Variants in ZYG11A observed in about 807,000 individuals in gnomAD.
ZYG11A encodes the protein protein zyg-11 homolog A.
In ZYG11A, 62 loss-of-function variants were observed where a neutral mutation model predicts 77.2. That is an observed-to-expected ratio of 0.80 (90% CI 0.65 to 0.99). The LOEUF is 0.99. Ranked by LOEUF, ZYG11A falls within the 50% of genes least tolerant of loss-of-function variation. The pLI is 0.00. For missense variants in ZYG11A, 828 were observed against 896.8 expected (o/e 0.92, Z 0.98); for synonymous variants, 315 against 324.6 (o/e 0.97, Z 0.32).
chr1:52,853,565 CTG>C (rs768429214), intron 1 of ZYG11A, among the ~76,000 whole-genome samples: 1 of 152,166 alleles, frequency 6.6e-6, no homozygotes, highest in Non-Finnish European at 1.5e-5. Context: ...TTACCCACCT[CTG>C]TATTTTCAGT....
intron 8 of ZYG11A, among the ~76,000 whole-genome samples, chr1:52,871,312 T>C (rs1215079090): frequency 6.6e-6 from 1 of 152,090 alleles, no homozygotes. Context: ...TCCTGTGATT[T>C]CTGTTCTTTT....
intron 8 of ZYG11A, 73 bp downstream of exon 8, chr1:52,867,850 T>C (rs954559089): frequency 1.6e-5 from 20 of 1,269,224 alleles, no homozygotes; most frequent in Non-Finnish European, 2.2e-5. Flanking sequence ...AAAAAAAAAA[T>C]CAAATCATTC....
chr1:52,846,948 C>T (rs1292065984), intron 1 of ZYG11A, among the ~76,000 whole-genome samples: 12 of 150,148 alleles, frequency 8.0e-5, no homozygotes, highest in South Asian at 2.1e-4. Context: ...CCCGGGTTCA[C>T]GCCATTCTCC....
At chr1:52,843,121 G>A in intron 1 of ZYG11A, 148 bp downstream of exon 1, 1 of 624,952 alleles carries the variant, frequency 1.6e-6, no homozygotes, top group Admixed American at 4.4e-5. Flanking sequence ...GCCCCTTCCA[G>A]GCGCAGGCGT....
chr1:52,846,834 C>T (rs895914102), intron 1 of ZYG11A, among the ~76,000 whole-genome samples: 1 of 150,146 alleles, frequency 6.7e-6, no homozygotes, highest in African/African-American at 2.5e-5. Flanking sequence ...CATCTCTAGG[C>T]TTTAAAATTA....
chr1:52,849,434 G>C (rs1354654018), intron 1 of ZYG11A, among the ~76,000 whole-genome samples: 2 of 151,384 alleles, frequency 1.3e-5, no homozygotes, highest in Non-Finnish European at 2.9e-5. Context: ...CGCGATCTCC[G>C]CTCACTGCAG....
At chr1:52,886,767 G>A (rs1392296373) in intron 12 of ZYG11A, among the ~76,000 whole-genome samples, 189 bp from the exon 13 acceptor site, 1 of 126,414 alleles carries the variant, frequency 7.9e-6, no homozygotes, top group African/African-American at 3.0e-5. Flanking sequence ...GGCTGGTCCC[G>A]AATTCCTAAG....
At chr1:52,856,087 A>G (rs1645804881) in intron 2 of ZYG11A, among the ~76,000 whole-genome samples, 1 of 152,152 alleles carries the variant, frequency 6.6e-6, no homozygotes, top group Non-Finnish European at 1.5e-5. Context: ...AGCAGTGTCC[A>G]AGGGTTCTAA....
chr1:52,878,889 A>G (rs1466718144), intron 10 of ZYG11A, among the ~76,000 whole-genome samples: 1 of 146,020 alleles, frequency 6.8e-6, no homozygotes, highest in Admixed American at 7.0e-5. Flanking sequence ...AAATGAACCA[A>G]GATCGTGCCA....
At chr1:52,876,020 T>C (rs1165052627) in intron 8 of ZYG11A, among the ~76,000 whole-genome samples, 1 of 151,018 alleles carries the variant, frequency 6.6e-6, no homozygotes, top group Non-Finnish European at 1.5e-5. Context: ...GAAGGCAGAG[T>C]ATGTTGATGC....
chr1:52,860,920 T>G, intron 4 of ZYG11A, 49 bp downstream of exon 4: 1 of 1,506,822 alleles, frequency 6.6e-7, no homozygotes, highest in Non-Finnish European at 9.0e-7. Flanking sequence ...CTTGGTTCAA[T>G]TAATAATTGT....
intron 13 of ZYG11A, among the ~76,000 whole-genome samples, chr1:52,887,669 G>A (rs1646475108): frequency 1.3e-5 from 2 of 151,828 alleles, no homozygotes; most frequent in South Asian, 2.1e-4. Context: ...ATCGCTTGAG[G>A]CCAGGAGTTT....
chr1:52,892,723 C>T (rs1646566918), intron 13 of ZYG11A, 59 bp from the exon 14 acceptor site: 4 of 1,404,370 alleles, frequency 2.8e-6, no homozygotes, highest in African/African-American at 1.4e-5. Flanking sequence ...AATGTGGTGA[C>T]ATGGGAGTAT....
At chr1:52,881,329 A>C (rs1646358106) in intron 10 of ZYG11A, 142 bp from the exon 11 acceptor site, 1 of 576,280 alleles carries the variant, frequency 1.7e-6, no homozygotes, top group Non-Finnish European at 3.0e-6. Context: ...TGTGGGTTTT[A>C]GGCTAGCTTG....
In ZYG11A at chr1:52,892,894, G is replaced by A; in HGVS notation, c.2217G>A (p.Leu739=). The A allele has an allele frequency of 1.3e-6, 2 of 1,551,792 alleles. No individual in the cohort carries two copies. Among genetic ancestry groups the A allele is most frequent in the South Asian group, 1.2e-5 (1 of 84,058 alleles). Residue 739 remains leucine (L), a synonymous_variant, in exon 14 of 14, where the codon CTG becomes CTA. Coordinates refer to ENST00000371528, the MANE Select transcript of ZYG11A (RefSeq NM_001004339.3). ...PKAQQIAASI[L]DDFRMHFMNY... is the part of the protein sequence containing the mutation. Reference sequence around the variant, plus strand: ...CACAGCAGATTGCAGCCTCCATTCTGGATGACTTCAGAATGCATTTCATGA... The same window carrying A: ...CACAGCAGATTGCAGCCTCCATTCTAGATGACTTCAGAATGCATTTCATGA...
At chr1:52,860,707 G>T in intron 3 of ZYG11A, 24 bp from the exon 4 acceptor site, 1 of 1,549,482 alleles carries the variant, frequency 6.5e-7, no homozygotes, top group East Asian at 2.4e-5. Context: ...GGTGAAACCT[G>T]TTTGGTAACA....
intron 11 of ZYG11A, among the ~76,000 whole-genome samples, chr1:52,884,212 C>T (rs941240416): frequency 2.0e-5 from 3 of 148,422 alleles, no homozygotes; most frequent in African/African-American, 7.4e-5. Context: ...ATTAGCTGGG[C>T]GTGGCCGGGC....
At chr1:52,869,856 G>A (rs1364201873) in intron 8 of ZYG11A, among the ~76,000 whole-genome samples, 2 of 150,070 alleles carry the variant, frequency 1.3e-5, no homozygotes, top group Admixed American at 6.6e-5. Flanking sequence ...CGGACGGGAC[G>A]GCTGACCCCC....
intron 2 of ZYG11A, among the ~76,000 whole-genome samples, chr1:52,855,984 C>CT (rs1381865463): frequency 2.6e-5 from 4 of 152,208 alleles, no homozygotes; most frequent in Non-Finnish European, 5.9e-5. Flanking sequence ...TTTCATTTCT[C>CT]TGAGTGAAAT....
Sources: allele counts gnomAD v4.1 joint callset (sites outside exome capture counted in the v4.1 genomes callset), GRCh38; gene constraint gnomAD v4.1.1; transcripts MANE v1.5; gene names NCBI Gene and HGNC (gene_info 2026-07-23, HGNC 2026-07-21).